SOX5: variants seen among roughly 807,000 people sequenced by gnomAD.
SOX5 encodes transcription factor SOX-5.
Under a neutral mutation model 92.0 loss-of-function variants are expected in SOX5, and 9 were observed. The ratio of observed to expected loss-of-function variants is 0.10; its 90% confidence interval spans 0.06 to 0.17. SOX5 has a LOEUF of 0.17. Ranked by LOEUF, SOX5 falls within the 10% of genes least tolerant of loss-of-function variation. The pLI is 1.00. For synonymous variants in SOX5, 344 were observed against 336.3 expected, an observed-to-expected ratio of 1.02 and a Z score of -0.25; for missense variants, 642 against 944.5, an observed-to-expected ratio of 0.68 and a Z score of 4.20.
chr12:24,553,589 T>C (rs533856283), intron 1 of SOX5, among the ~76,000 whole-genome samples: 5 of 152,248 alleles, frequency 3.3e-5, no homozygotes, highest in Non-Finnish European at 5.9e-5. Flanking sequence ...TACCTTCTAA[T>C]TGGAAATGTT....
intron 10 of SOX5, among the ~76,000 whole-genome samples, chr12:23,566,239 C>T (rs1392334488): frequency 6.6e-6 from 1 of 152,172 alleles, no homozygotes; most frequent in African/African-American, 2.4e-5. Context: ...TCTTCTTTAA[C>T]CTTGTTTTGC....
chr12:24,068,161 A>G (rs1217107147), intron 4 of SOX5, among the ~76,000 whole-genome samples: 3 of 152,222 alleles, frequency 2.0e-5, no homozygotes, highest in Non-Finnish European at 4.4e-5. Context: ...AACAAAACAA[A>G]AAAAACTTAA....
chr12:23,938,694 A>G (rs1359022636), intron 1 of SOX5, among the ~76,000 whole-genome samples: 7 of 151,018 alleles, frequency 4.6e-5, no homozygotes, highest in Non-Finnish European at 1.0e-4. Flanking sequence ...CAGATGTCCT[A>G]TATATAAAAT....
intron 1 of SOX5, among the ~76,000 whole-genome samples, chr12:24,380,474 T>C (rs1957714965): frequency 6.6e-6 from 1 of 152,250 alleles, no homozygotes; most frequent in Non-Finnish European, 1.5e-5. Context: ...AAGGAGTTAC[T>C]GTCAAAACAT....
At chr12:24,364,882 G>A (rs1956008675) in intron 2 of SOX5, among the ~76,000 whole-genome samples, 1 of 151,992 alleles carries the variant, frequency 6.6e-6, no homozygotes, top group Non-Finnish European at 1.5e-5. Flanking sequence ...GGCAAACAGA[G>A]GTTTGGGGAA....
intron 1 of SOX5, among the ~76,000 whole-genome samples, chr12:24,377,820 C>A (rs1208192443): frequency 6.6e-6 from 1 of 152,194 alleles, no homozygotes; most frequent in African/African-American, 2.4e-5. Flanking sequence ...TAGAACCATC[C>A]CTGGTACCCA....
At chr12:24,515,448 A>G (rs952383505) in intron 1 of SOX5, among the ~76,000 whole-genome samples, 1 of 152,204 alleles carries the variant, frequency 6.6e-6, no homozygotes, top group African/African-American at 2.4e-5. Flanking sequence ...ACTTCATTCA[A>G]AATCATTGCC....
rs1566225034 is a variant in SOX5, at chr12:23,603,444, A to AT, written c.1164+942_1164+943insA. Among the ~76,000 whole-genome samples the AT allele has an allele frequency of 1.3e-4, 8 of 61,794 alleles. No individual in the cohort carries two copies. The East Asian group carries it at 3.9e-3, about 30-fold the overall frequency. The allele number at this position is 61,794 out of a possible 152,430, so 40.5% of individuals were successfully genotyped here. ...ATTCAGCAAAATAAATATATATATA[A>AT]AATATATATATATATATATATATTT... On this transcript the variant is annotated intron_variant, in intron 9 of 14. Coordinates refer to ENST00000451604, the MANE Select transcript of SOX5 (RefSeq NM_006940.6).
intron 4 of SOX5, among the ~76,000 whole-genome samples, chr12:24,081,193 A>G (rs1002919487): frequency 6.6e-6 from 1 of 151,968 alleles, no homozygotes; most frequent in Non-Finnish European, 1.5e-5. Flanking sequence ...GCGCTGCCAT[A>G]TAACTGGGAA....
At chr12:23,719,690 T>C (rs987629150) in intron 6 of SOX5, among the ~76,000 whole-genome samples, 1 of 145,718 alleles carries the variant, frequency 6.9e-6, no homozygotes. Flanking sequence ...CCTGAGCCCC[T>C]GCCCAGTTTG....
At chr12:24,366,414 C>T (rs1416713258) in intron 2 of SOX5, among the ~76,000 whole-genome samples, 1 of 152,094 alleles carries the variant, frequency 6.6e-6, no homozygotes, top group Non-Finnish European at 1.5e-5. Context: ...CTGGAAAAGG[C>T]ATCTTCTCTT....
In SOX5 at chr12:24,318,413, A is replaced by G. The variant is rs1433693254; in HGVS notation, c.-173-41101T>C. On this transcript the variant is annotated intron_variant, in intron 2 of 4. Coordinates refer to the SOX5 transcript ENST00000446891. ...GAAACGGCTGGAGGATTTGCTCATG[A>G]GGTAGGCTGAGAGACGGTACATCTA... 7.9e-5 allele frequency among the ~76,000 whole-genome samples: 12 copies of G among 152,112 alleles called. No homozygotes were observed. In the East Asian group the frequency reaches 2.3e-3, roughly 30 times the overall value.
intron 1 of SOX5, among the ~76,000 whole-genome samples, chr12:24,508,548 G>A (rs1949015040): frequency 6.6e-6 from 1 of 152,136 alleles, no homozygotes; most frequent in Admixed American, 6.5e-5. Flanking sequence ...ACATCCAAGT[G>A]GGATGTGCAT....
chr12:23,688,036 G>A (rs575459350), intron 6 of SOX5, among the ~76,000 whole-genome samples: 1 of 152,058 alleles, frequency 6.6e-6, no homozygotes, highest in African/African-American at 2.4e-5. Context: ...TTAAGAAACA[G>A]CTGGACCTTT....
intron 2 of SOX5, among the ~76,000 whole-genome samples, chr12:24,314,468 A>G (rs1949510753): frequency 6.6e-6 from 1 of 152,126 alleles, no homozygotes; most frequent in African/African-American, 2.4e-5. Flanking sequence ...ATACATATGT[A>G]ACTAACCTGC....
chr12:24,143,415 A>G (rs1309821197), intron 4 of SOX5, among the ~76,000 whole-genome samples: 1 of 152,210 alleles, frequency 6.6e-6, no homozygotes, highest in Non-Finnish European at 1.5e-5. Context: ...GTTAGAATTC[A>G]CAGAATATAA....
At chr12:24,471,467 G>T (rs996629636) in intron 1 of SOX5, among the ~76,000 whole-genome samples, 1 of 152,100 alleles carries the variant, frequency 6.6e-6, no homozygotes, top group African/African-American at 2.4e-5. Context: ...CCATTATCCT[G>T]AGCATTAATT....
At chr12:23,810,004 T>C (rs1165499296) in intron 3 of SOX5, among the ~76,000 whole-genome samples, 1 of 152,032 alleles carries the variant, frequency 6.6e-6, no homozygotes, top group Non-Finnish European at 1.5e-5. Context: ...AAGTATAGAG[T>C]TACTCTAATT....
chr12:23,974,696 A>G (rs1386579712), intron 4 of SOX5, among the ~76,000 whole-genome samples: 1 of 152,180 alleles, frequency 6.6e-6, no homozygotes, highest in Non-Finnish European at 1.5e-5. Context: ...AAGAAAATAT[A>G]AGGGAAAATT....
Sources: allele counts gnomAD v4.1 joint callset (sites outside exome capture counted in the v4.1 genomes callset), GRCh38; gene constraint gnomAD v4.1.1; transcripts MANE v1.5; gene names NCBI Gene and HGNC (gene_info 2026-07-23, HGNC 2026-07-21).